Variants in EIF4E3 observed in about 807,000 individuals in gnomAD.
EIF4E3 encodes the protein eukaryotic translation initiation factor 4E type 3.
In EIF4E3, 26 loss-of-function variants were observed where a neutral mutation model predicts 31.7. That is an observed-to-expected ratio of 0.82 (90% CI 0.60 to 1.14). The LOEUF (loss-of-function observed/expected upper bound fraction) is 1.14, where lower values mean the gene tolerates loss of function less well. EIF4E3 is among the 50% of genes most tolerant of loss of function. EIF4E3 has a pLI of 0.00. For synonymous variants in EIF4E3, 128 were observed against 107.7 expected (o/e 1.19, Z -1.17); for missense variants, 304 against 270.9 (o/e 1.12, Z -0.86).
intron 1 of EIF4E3, among the ~76,000 whole-genome samples, chr3:71,711,163 C>A (rs1179999470): frequency 1.3e-5 from 2 of 152,326 alleles, no homozygotes; most frequent in Admixed American, 1.3e-4. Flanking sequence ...TGCAATTTAA[C>A]TGGTTTTACC....
chr3:71,742,610 C>T (rs935622879), intron 1 of EIF4E3, among the ~76,000 whole-genome samples: 3 of 152,094 alleles, frequency 2.0e-5, no homozygotes, highest in African/African-American at 7.2e-5. Context: ...GGAGAGAATA[C>T]ATTCCAAGTC....
rs115540365 is a variant in EIF4E3 at position 71,720,828 on chromosome 3, C to T, written c.176+4364G>A. On this transcript the variant is annotated intron_variant, in intron 1 of 6. Transcript: ENST00000425534. ...AACTGGAACTAGACATAACCAGAACCTGCAGAGAGAGGGCATGGAGAGAGG... is the reference window on the plus strand; with the variant it reads ...AACTGGAACTAGACATAACCAGAACTTGCAGAGAGAGGGCATGGAGAGAGG... Among the ~76,000 whole-genome samples the T allele has an allele frequency of 2.7e-3, 410 of 152,282 alleles. 1 individual carries two copies. Among genetic ancestry groups the T allele is most frequent in the Non-Finnish European group, 4.6e-3 (315 of 68,024 alleles).
chr3:71,698,086 G>C (rs2049164690), intron 3 of EIF4E3, among the ~76,000 whole-genome samples: 1 of 152,164 alleles, frequency 6.6e-6, no homozygotes, highest in Non-Finnish European at 1.5e-5. Flanking sequence ...ATTATTACCT[G>C]TCTTTTGGAT....
rs2048904934 is a variant in EIF4E3 at position 71,680,027 on chromosome 3, T to C, written c.*4655A>G. 1.3e-5 allele frequency: 2 copies of C among 152,180 alleles called. No homozygotes were observed. The highest frequency in any genetic ancestry group is 4.8e-5 in the African/African-American group (2 of 41,446). 9.4% of individuals were successfully genotyped at this position (152,180 alleles called of 1,614,324 possible). ...AAAACCACCACTCTGTATTAAAGGC[T>C]TTATATTATGGACTTCCAGGGATGG... On this transcript the variant is annotated 3_prime_UTR_variant, in exon 7 of 7. Coordinates refer to ENST00000425534, the MANE Select transcript of EIF4E3 (RefSeq NM_001134651.2).
At chr3:71,669,803 A>C in the EIF4E3 span, among the ~76,000 whole-genome samples, 4 of 152,206 alleles carry the variant, frequency 2.6e-5, no homozygotes, top group African/African-American at 9.6e-5. Context: ...TAGCAGAACA[A>C]AAAAAGGAGA....
At chr3:71,670,304 T>C in the EIF4E3 span, among the ~76,000 whole-genome samples, 1 of 152,200 alleles carries the variant, frequency 6.6e-6, no homozygotes, top group Non-Finnish European at 1.5e-5. Context: ...TAAATATCTG[T>C]TGTACCACTT....
chr3:71,687,804 C>T (rs1018760500), intron 6 of EIF4E3, among the ~76,000 whole-genome samples: 50 of 152,186 alleles, frequency 3.3e-4, no homozygotes, highest in Non-Finnish European at 6.5e-4. Flanking sequence ...CTACAGTCAC[C>T]TGGCTTATGT....
At chr3:71,738,313 G>A (rs146147684) in intron 1 of EIF4E3, among the ~76,000 whole-genome samples, 53 of 152,286 alleles carry the variant, frequency 3.5e-4, no homozygotes, top group Non-Finnish European at 7.6e-4. Flanking sequence ...AAGGCCAAGT[G>A]AGAATCTTAG....
chr3:71,725,472 G>A (rs2049623954), upstream of EIF4E3: 5 of 697,550 alleles, frequency 7.2e-6, no homozygotes, highest in African/African-American at 2.0e-5. The surrounding 1 kb of genome is among the most constrained non-coding windows in gnomAD (Gnocchi z 6.1). Context: ...GCCCCGCCCC[G>A]CCCCGGGCTA....
chr3:71,696,864 C>T (rs1255429221), intron 3 of EIF4E3, among the ~76,000 whole-genome samples: 3 of 146,968 alleles, frequency 2.0e-5, no homozygotes, highest in East Asian at 2.1e-4. Context: ...TACAGGCGTC[C>T]GCCACCAAGT....
rs888356143 is a variant in EIF4E3 at position 71,725,286 on chromosome 3, G to GGGC, written c.79_81dup (p.Ala27dup). 9.9e-7 allele frequency: 1 copy of GGGC among 1,012,090 alleles called. No individual in the cohort carries two copies. Among genetic ancestry groups the GGGC allele is most frequent in the Non-Finnish European group, 1.2e-6 (1 of 848,868 alleles). The allele number at this position is 1,012,090 out of a possible 1,614,324, so 62.7% of individuals were successfully genotyped here. On this transcript the variant is annotated inframe_insertion, in exon 1 of 7. Coordinates refer to ENST00000425534, the MANE Select transcript of EIF4E3 (RefSeq NM_001134651.2). This position sits in a 1 kb window ranked among gnomAD's most constrained non-coding sequence, Gnocchi z 6.1. ...TGCTGCAGGCCGAGCGGCGGCTCGGGGGCGGCGGCAGCGGCGGCGGCGCGG... is the reference window on the plus strand; with the variant it reads ...TGCTGCAGGCCGAGCGGCGGCTCGGGGGCGGCGGCGGCAGCGGCGGCGGCGCGG...
chr3:71,675,965 T>C lies in EIF4E3; in HGVS notation c.*8717A>G, dbSNP rs2048872411. ...TGCATATGTTTCCACATACACAAAC[T>C]GGGGACAACAATGACAGCATCTACC... On this transcript the variant is annotated 3_prime_UTR_variant, in exon 7 of 7. Coordinates refer to ENST00000425534, the MANE Select transcript of EIF4E3 (RefSeq NM_001134651.2). The C allele has an allele frequency of 6.6e-6, 1 of 152,150 alleles. No homozygotes were observed. The highest frequency in any genetic ancestry group is 1.5e-5 in the Non-Finnish European group (1 of 68,022). The allele number at this position is 152,150 out of a possible 1,614,324, so 9.4% of individuals were successfully genotyped here.
At chr3:71,661,497 G>C in the EIF4E3 span, among the ~76,000 whole-genome samples, 3 of 152,054 alleles carry the variant, frequency 2.0e-5, no homozygotes, top group African/African-American at 7.3e-5. Context: ...AGCCTCCTTG[G>C]GCCTCCATTT....
At chr3:71,672,719 A>C (rs559501438), downstream of EIF4E3, among the ~76,000 whole-genome samples, 1 of 152,180 alleles carries the variant, frequency 6.6e-6, no homozygotes, top group Non-Finnish European at 1.5e-5. Flanking sequence ...GCGAAACAGC[A>C]GTGGTGCCGA....
At chr3:71,707,596 GC>G (rs2049311914) in intron 2 of EIF4E3, among the ~76,000 whole-genome samples, 1 of 152,092 alleles carries the variant, frequency 6.6e-6, no homozygotes, top group African/African-American at 2.4e-5. Flanking sequence ...GTGTTTATCA[GC>G]CATTTTTTTC....
chr3:71,723,990 A>C (rs545005993), intron 1 of EIF4E3, among the ~76,000 whole-genome samples: 1 of 152,344 alleles, frequency 6.6e-6, no homozygotes, highest in South Asian at 2.1e-4. Flanking sequence ...TTAACCAAAA[A>C]AAAAATGAAT....
Position 71,710,471 on chromosome 3 carries a change from C to T in EIF4E3, c.190G>A (p.Ala64Thr). 7 of 1,552,126 alleles carry T rather than the reference C, an allele frequency of 4.5e-6. No homozygotes were observed. Among genetic ancestry groups the T allele is most frequent in the Non-Finnish European group, 6.1e-6 (7 of 1,147,118 alleles). ...TFWLDRSLPG[A>T]TAAECASNLK... ...TTTGATGCGCACTCAGCTGCTGTGG[C>T]ACCAGGGAGGGATCTAGGCAAGCAG... is the stretch of plus-strand genomic sequence containing the variant. The change falls in exon 2 of 7, where the codon GCC (alanine) becomes ACC (threonine). Residue 64 changes from alanine to threonine, a missense_variant. Coordinates refer to ENST00000425534, the MANE Select transcript of EIF4E3 (RefSeq NM_001134651.2).
chr3:71,704,391 A>G (rs1375799235), intron 2 of EIF4E3, among the ~76,000 whole-genome samples: 1 of 152,234 alleles, frequency 6.6e-6, no homozygotes, highest in Non-Finnish European at 1.5e-5. Context: ...CAAGACTCCC[A>G]GAAAAGGCCC....
chr3:71,749,624 G>T (rs2108164569), intron 1 of EIF4E3, among the ~76,000 whole-genome samples: 1 of 151,942 alleles, frequency 6.6e-6, no homozygotes, highest in South Asian at 2.1e-4. Context: ...CAGTTCCTCT[G>T]AACAGTCAGG....
Sources: allele counts gnomAD v4.1 joint callset (sites outside exome capture counted in the v4.1 genomes callset), GRCh38; gene constraint gnomAD v4.1.1; non-coding constraint Gnocchi (gnomAD v3.1); transcripts MANE v1.5; gene names NCBI Gene and HGNC (gene_info 2026-07-23, HGNC 2026-07-21).